KCP: variants seen among roughly 807,000 people sequenced by gnomAD.
KCP encodes the protein kielin/chordin-like protein.
In KCP, 194 loss-of-function variants were observed where a neutral mutation model predicts 212.7. The ratio of observed to expected loss-of-function variants is 0.91; its 90% CI spans 0.81 to 1.03. The LOEUF (loss-of-function observed/expected upper bound fraction) is 1.03. Ranked by LOEUF, KCP falls within the 50% of genes least tolerant of loss-of-function variation. KCP has a pLI of 0.00. For missense variants in KCP, 2,080 were observed against 2,162.5 expected (o/e 0.96, Z 0.76); for synonymous variants, 833 against 865.3 (o/e 0.96, Z 0.65).
intron 8 of KCP, among the ~76,000 whole-genome samples, chr7:128,900,758 G>C (rs1165846536): frequency 6.6e-6 from 1 of 152,222 alleles, no homozygotes; most frequent in Non-Finnish European, 1.5e-5. Flanking sequence ...ACAAGAGAGA[G>C]AGACCCTAAT....
chr7:128,888,280 T>TCACA (rs1324831122), intron 22 of KCP, among the ~76,000 whole-genome samples: 1 of 95,884 alleles, frequency 1.0e-5, no homozygotes. Flanking sequence ...ACATACACTG[T>TCACA]CACACACACA....
intron 22 of KCP, among the ~76,000 whole-genome samples, chr7:128,887,918 C>T (rs1793783971): frequency 6.6e-6 from 1 of 150,496 alleles, no homozygotes; most frequent in South Asian, 2.1e-4. Context: ...TACACACCCA[C>T]ACACACAGCC....
In KCP at chr7:128,895,350, A is replaced by G. The variant is rs78801460; in HGVS notation, c.832-1057T>C. 8.3e-3 allele frequency among the ~76,000 whole-genome samples: 1,269 copies of G among 152,308 alleles called. 20 individuals are homozygous for G. The highest frequency in any genetic ancestry group is 0.028 in the African/African-American group (1,176 of 41,560). ...GGGGGCTGGTGTGGCATCTACCTCT[A>G]GAAGCTGGTACTTAGCATGGTGGCT... On this transcript the variant is annotated intron_variant, in intron 8 of 39. Coordinates refer to ENST00000610776, the MANE Select transcript of KCP (RefSeq NM_001366122.1).
At chr7:128,906,457 A>G in intron 4 of KCP, 94 bp from the exon 5 acceptor site, 1 of 893,320 alleles carries the variant, frequency 1.1e-6, no homozygotes. Flanking sequence ...GGGACATGTC[A>G]TAGGGGCAAG....
intron 37 of KCP, 106 bp downstream of exon 37, chr7:128,879,416 T>C: frequency 1.1e-6 from 1 of 935,138 alleles, no homozygotes; most frequent in Non-Finnish European, 1.6e-6. Context: ...TTGCCTTTTT[T>C]GGCTAGGAGG....
At position 128,889,056 on chromosome 7, in the gene KCP, A is replaced by G. The variant is rs376919350; in HGVS notation, c.2336-17T>C. 9.5e-6 allele frequency: 14 copies of G among 1,477,394 alleles called. No homozygotes were observed. In the African/African-American group the frequency reaches 1.8e-4, roughly 19 times the overall value. The allele number at this position is 1,477,394 out of a possible 1,614,324, so 91.5% of individuals were successfully genotyped here. The stretch of plus-strand genomic sequence containing the variant: ...ACTCACAGCCTTTCAGAGAAGAGAC[A>G]GAGAGGCCGAGGGGAGGGACAGAAA... On this transcript the variant is annotated splice_polypyrimidine_tract_variant and intron_variant, in intron 21 of 39. Transcript: ENST00000610776.
In KCP at chr7:128,910,612, G is replaced by A. The variant is rs1312331316; in HGVS notation, c.65C>T (p.Ala22Val). ...GCACCTGGACTCACCTTCCGCGCCC[G>A]CGGCCAGCGCCAGGGCCCCGAGGTG... ...LLHLGALALA[A>V]GAEGGAVPRE... The change falls in exon 1 of 40, where the codon GCG becomes GTG. Residue 22 changes from alanine (A) to valine (V), a missense_variant. By Grantham distance (64) the Ala-to-Val change is moderately conservative (BLOSUM62 0). Coordinates refer to ENST00000610776, the MANE Select transcript of KCP (RefSeq NM_001366122.1). 5.3e-6 allele frequency: 8 copies of A among 1,514,978 alleles called. No homozygotes were observed. Among genetic ancestry groups the A allele is most frequent in the Non-Finnish European group, 6.1e-6 (7 of 1,138,736 alleles). The allele number at this position is 1,514,978 out of a possible 1,614,324, so 93.8% of individuals were successfully genotyped here. A position where few individuals can be genotyped will look rare whatever the true frequency, so the allele number is the denominator to read the frequency against.
At chr7:128,895,284 G>C (rs934163870) in intron 8 of KCP, among the ~76,000 whole-genome samples, 5 of 152,208 alleles carry the variant, frequency 3.3e-5, no homozygotes, top group African/African-American at 1.2e-4. Context: ...TGAAAAAATA[G>C]TCCTGTTCTC....
At chr7:128,882,553 C>T (rs1170234540) in intron 29 of KCP, among the ~76,000 whole-genome samples, 4 of 152,196 alleles carry the variant, frequency 2.6e-5, no homozygotes. Context: ...GCACCAAGTA[C>T]AGTCTGTGGC....
chr7:128,899,777 G>A (rs1464411512), intron 8 of KCP, among the ~76,000 whole-genome samples: 1 of 151,140 alleles, frequency 6.6e-6, no homozygotes, highest in Non-Finnish European at 1.5e-5. Context: ...TTTGTAACAG[G>A]TCACAATTGG....
At chr7:128,879,398 C>G in intron 37 of KCP, 124 bp downstream of exon 37, 1 of 752,274 alleles carries the variant, frequency 1.3e-6, no homozygotes, top group Non-Finnish European at 2.2e-6. Flanking sequence ...ACCCCTGTAC[C>G]CCACTCCTTG....
chr7:128,891,608 T>C (rs756199785), intron 17 of KCP, 38 bp downstream of exon 17: 1 of 1,507,228 alleles, frequency 6.6e-7, no homozygotes, highest in South Asian at 1.3e-5. Flanking sequence ...GGCCATGCCA[T>C]CCCATCCCAG....
chr7:128,879,923 C>T lies in KCP; in HGVS notation c.3922G>A (p.Gly1308Arg), dbSNP rs951191905. The T allele has an allele frequency of 2.0e-5, 31 of 1,551,016 alleles. No homozygotes were observed. Among genetic ancestry groups the T allele is most frequent in the Non-Finnish European group, 2.6e-5 (30 of 1,146,978 alleles). ...SYVLAKDCHS[G>R]DFSVHVTNDD... ...ACAGGGGATGCACACCTGAAGTCCCCGCTGTGGCAGTCCTTGGCCAGCACA... is the reference window on the plus strand; with the variant it reads ...ACAGGGGATGCACACCTGAAGTCCCTGCTGTGGCAGTCCTTGGCCAGCACA... Residue 1308 changes from glycine to arginine, a missense_variant, in exon 35 of 40, where the codon GGG becomes AGG. Transcript: ENST00000610776.
intron 29 of KCP, among the ~76,000 whole-genome samples, 167 bp downstream of exon 29, chr7:128,883,835 T>C (rs756983552): frequency 1.3e-5 from 2 of 152,220 alleles, no homozygotes; most frequent in Non-Finnish European, 2.9e-5. Context: ...TCCTGTCAGC[T>C]TCCCCAGTTC....
Position 128,877,273 on chromosome 7 carries a change from C to A in KCP, c.4657G>T (p.Glu1553Ter). 6.6e-7 allele frequency: 1 copy of A among 1,506,214 alleles called. No homozygotes were observed. The allele number at this position is 1,506,214 out of a possible 1,614,324, so 93.3% of individuals were successfully genotyped here. A position where few individuals can be genotyped will look rare whatever the true frequency, so the allele number is the denominator to read the frequency against. ...GTGCGGGGACAGGGTGGGCCGCACT[C>A]ATCAAACACGAAGCCACGCTCCAGG... ...CPLERGFVFD[E>*]CGPPCPRTCF... Residue 1553 changes from glutamate to a stop codon, truncating the protein, a stop_gained, in exon 40 of 40, where the codon GAG (glutamate) becomes TAG (stop). Coordinates refer to ENST00000610776, the MANE Select transcript of KCP (RefSeq NM_001366122.1). LOFTEE classifies it high-confidence loss of function.
chr7:128,899,578 T>C (rs1794719430), intron 8 of KCP, among the ~76,000 whole-genome samples: 1 of 152,244 alleles, frequency 6.6e-6, no homozygotes, highest in Non-Finnish European at 1.5e-5. Context: ...TTGTTTTTCA[T>C]AGTCAAGGAC....
chr7:128,910,392 C>G (rs1352078249), intron 1 of KCP, among the ~76,000 whole-genome samples: 1 of 152,268 alleles, frequency 6.6e-6, no homozygotes, highest in African/African-American at 2.4e-5. Context: ...AGGAACCGCC[C>G]CCCTCTCCTG....
Position 128,904,098 on chromosome 7 carries a change from G to A in KCP, c.612C>T (p.Thr204=). The A allele has an allele frequency of 1.9e-6, 3 of 1,551,658 alleles. No individual in the cohort carries two copies. Among genetic ancestry groups the A allele is most frequent in the Middle Eastern group, 1.7e-4 (1 of 5,992 alleles). The change falls in exon 6 of 40, where the codon ACC becomes ACT. Residue 204 remains threonine, a synonymous_variant. Coordinates refer to ENST00000610776, the MANE Select transcript of KCP (RefSeq NM_001366122.1). ...YEGQLYEEGV[T]FLSSSNPCLQ... is the part of the protein sequence containing the mutation. ...GACAAGGGTTGGAGCTGGACAGGAA[G>A]GTGACCCCCTCCTCATAAAGCTGCC...
intron 7 of KCP, 108 bp from the exon 8 acceptor site, chr7:128,902,967 G>A (rs999388250): frequency 3.3e-5 from 27 of 807,058 alleles, no homozygotes; most frequent in South Asian, 9.2e-5. Flanking sequence ...GCTCTCTCCC[G>A]AGCCAAGACT....
Sources: allele counts gnomAD v4.1 joint callset (sites outside exome capture counted in the v4.1 genomes callset), GRCh38; gene constraint gnomAD v4.1.1; transcripts MANE v1.5; gene names NCBI Gene and HGNC (gene_info 2026-07-23, HGNC 2026-07-21).